The following PTPRD variants were observed in gnomAD, a reference collection of about 807,000 sequenced individuals.
PTPRD encodes the protein receptor-type tyrosine-protein phosphatase delta.
A neutral mutation model predicts 214.5 loss-of-function variants in PTPRD; 34 were observed. That is an observed-to-expected ratio of 0.16 (90% CI 0.12 to 0.21). The LOEUF is 0.21. Ranked by LOEUF, PTPRD falls within the 10% of genes least tolerant of loss-of-function variation. The probability of loss-of-function intolerance (pLI) is 1.00; values close to 1 mark genes in which losing one functional copy is unlikely to be tolerated. For missense variants in PTPRD, 2,545 were observed against 2,398.7 expected (o/e 1.06, Z -1.27); for synonymous variants, 1,128 against 845.7 (o/e 1.33, Z -5.79).
At position 8,316,068 on chromosome 9, in the gene PTPRD, T is replaced by A. The variant is rs979607074; in HGVS notation, c.*1806A>T. 2 of 229,230 alleles carry A rather than the reference T, an allele frequency of 8.7e-6. No individual in the cohort carries two copies. The highest frequency in any genetic ancestry group is 4.4e-5 in the African/African-American group (2 of 45,088). The allele number at this position is 229,230 out of a possible 1,614,324, so 14.2% of individuals were successfully genotyped here. A position where few individuals can be genotyped will look rare whatever the true frequency, so the allele number is the denominator to read the frequency against. ...AGTTACTGCATGTTCCAGAGCGGAT[T>A]TGGAAGGGAATATAAATAAAACAAG... On this transcript the variant is annotated 3_prime_UTR_variant, in exon 46 of 46. Coordinates refer to ENST00000381196, the MANE Select transcript of PTPRD (RefSeq NM_002839.4).
intron 9 of PTPRD, among the ~76,000 whole-genome samples, chr9:9,232,035 T>G (rs1302751507): frequency 6.6e-6 from 1 of 151,946 alleles, no homozygotes; most frequent in Non-Finnish European, 1.5e-5. Context: ...ATTTCACACT[T>G]CTTAAAACAT....
chr9:9,898,955 A>C (rs1049474775), intron 5 of PTPRD, among the ~76,000 whole-genome samples: 1 of 152,110 alleles, frequency 6.6e-6, no homozygotes, highest in Non-Finnish European at 1.5e-5. Context: ...AGCTGTCTTT[A>C]TTCATGGATT....
chr9:9,337,577 AAT>A (rs1369150789), intron 9 of PTPRD, among the ~76,000 whole-genome samples: 5 of 152,150 alleles, frequency 3.3e-5, no homozygotes, highest in South Asian at 4.1e-4. Context: ...GAATTTGCTT[AAT>A]ATGAATCTAC....
chr9:9,012,270 G>T (rs193155268), intron 11 of PTPRD, among the ~76,000 whole-genome samples: 54 of 152,274 alleles, frequency 3.5e-4, no homozygotes, highest in Non-Finnish European at 2.9e-5. Flanking sequence ...AGCCCTGGCT[G>T]ACACACTGCA....
intron 4 of PTPRD, among the ~76,000 whole-genome samples, chr9:9,976,543 C>T (rs921929052): frequency 5.3e-5 from 8 of 151,262 alleles, no homozygotes; most frequent in African/African-American, 1.7e-4. Context: ...TGTGCCACCA[C>T]ACCTGGCTAA....
In PTPRD at chr9:9,498,218, A is replaced by C. The variant is rs1468274139; in HGVS notation, c.-237+76514T>G. On this transcript the variant is annotated intron_variant, in intron 8 of 45. Transcript: ENST00000381196. ...ATTAAAAATAAAATTATGCTCTTTGAGTGGCATTCTGCAAGAGAAGTGATT... is the reference window on the plus strand; with the variant it reads ...ATTAAAAATAAAATTATGCTCTTTGCGTGGCATTCTGCAAGAGAAGTGATT... Among the ~76,000 whole-genome samples the C allele has an allele frequency of 2.6e-5, 4 of 152,234 alleles. No homozygotes were observed. In the South Asian group the frequency reaches 8.3e-4, roughly 32 times the overall value.
At chr9:9,684,645 T>G (rs908600739) in intron 7 of PTPRD, among the ~76,000 whole-genome samples, 1 of 151,526 alleles carries the variant, frequency 6.6e-6, no homozygotes, top group African/African-American at 2.4e-5. Flanking sequence ...TTGTTAGCAA[T>G]AGACAAATTT....
At chr9:10,098,275 C>T (rs1591118261) in intron 3 of PTPRD, among the ~76,000 whole-genome samples, 2 of 141,676 alleles carry the variant, frequency 1.4e-5, no homozygotes, top group Non-Finnish European at 3.0e-5. Flanking sequence ...TTCTCACTCA[C>T]AGGTGGGAAT....
chr9:9,231,058 G>A (rs1270258888), intron 9 of PTPRD, among the ~76,000 whole-genome samples: 2 of 151,966 alleles, frequency 1.3e-5, no homozygotes, highest in African/African-American at 4.8e-5. Flanking sequence ...TCTGTCGGGG[G>A]GAGGGGGGAA....
chr9:10,451,213 T>C (rs193089144), intron 2 of PTPRD, among the ~76,000 whole-genome samples: 8 of 152,070 alleles, frequency 5.3e-5, no homozygotes, highest in Admixed American at 1.3e-4. Context: ...TGAGGCTCTA[T>C]TTTGAACAAA....
At chr9:9,803,123 T>C (rs932700057) in intron 5 of PTPRD, among the ~76,000 whole-genome samples, 1 of 151,832 alleles carries the variant, frequency 6.6e-6, no homozygotes, top group African/African-American at 2.4e-5. Flanking sequence ...TTGCCAGACA[T>C]GTAAGCATTA....
intron 10 of PTPRD, among the ~76,000 whole-genome samples, chr9:9,110,716 C>G (rs1391578679): frequency 6.6e-6 from 1 of 152,154 alleles, no homozygotes; most frequent in Non-Finnish European, 1.5e-5. Flanking sequence ...ACCATCAACT[C>G]AGCCTGTACT....
chr9:9,278,755 A>G (rs1302491537), intron 9 of PTPRD, among the ~76,000 whole-genome samples: 1 of 151,348 alleles, frequency 6.6e-6, no homozygotes, highest in East Asian at 2.0e-4. Flanking sequence ...TGCAGTTAAT[A>G]ACGTTTACTT....
intron 21 of PTPRD, among the ~76,000 whole-genome samples, chr9:8,517,008 T>A (rs1021373786): frequency 2.0e-5 from 3 of 151,990 alleles, no homozygotes; most frequent in Non-Finnish European, 4.4e-5. Flanking sequence ...GATGAGGTTT[T>A]GCCATTGGCC....
chr9:9,838,722 T>C (rs1358983563), intron 5 of PTPRD, among the ~76,000 whole-genome samples: 1 of 152,212 alleles, frequency 6.6e-6, no homozygotes, highest in East Asian at 1.9e-4. Context: ...AGGTTGCCTG[T>C]TCACTCTGAT....
At chr9:9,722,442 T>C (rs1020412238) in intron 7 of PTPRD, among the ~76,000 whole-genome samples, 1 of 152,118 alleles carries the variant, frequency 6.6e-6, no homozygotes, top group Non-Finnish European at 1.5e-5. Context: ...GTAAAATCTA[T>C]ACCATATTTA....
At chr9:9,247,613 T>C (rs556494907) in intron 9 of PTPRD, among the ~76,000 whole-genome samples, 1 of 152,206 alleles carries the variant, frequency 6.6e-6, no homozygotes, top group South Asian at 2.1e-4. Flanking sequence ...CTCAGAATTT[T>C]CAACTCTACA....
At position 8,486,010 on chromosome 9, in the gene PTPRD, T is replaced by A; in HGVS notation, c.2807A>T (p.Gln936Leu). The A allele has an allele frequency of 6.2e-7, 1 of 1,614,188 alleles. No homozygotes were observed. The highest frequency in any genetic ancestry group is 2.2e-5 in the East Asian group (1 of 44,882). Reference sequence around the variant, plus strand: ...CAGGACAGGTGGTTGCCAAGATAACTGGACGGAGGTTGAAGTGGTGCCTTC... The same window carrying A: ...CAGGACAGGTGGTTGCCAAGATAACAGGACGGAGGTTGAAGTGGTGCCTTC... ...HSEGTTSTSV[Q>L]LSWQPPVLAE... Residue 936 changes from glutamine (Q) to leucine (L), a missense_variant, in exon 28 of 46, where the codon CAG becomes CTG. By Grantham distance (113) the Gln-to-Leu change is moderately radical. Coordinates refer to ENST00000381196, the MANE Select transcript of PTPRD (RefSeq NM_002839.4).
intron 3 of PTPRD, among the ~76,000 whole-genome samples, chr9:10,264,289 C>T (rs1019978800): frequency 1.3e-5 from 2 of 152,138 alleles, no homozygotes; most frequent in Non-Finnish European, 2.9e-5. Context: ...CCATTGACAG[C>T]TTGCACCATG....
Sources: gnomAD v4.1 joint callset for allele counts (sites outside exome capture counted in the v4.1 genomes callset) on GRCh38, gnomAD v4.1.1 for gene constraint, MANE v1.5 for transcripts, NCBI Gene and HGNC (gene_info 2026-07-23, HGNC 2026-07-21) for gene names.